SLC19A1: variants seen among roughly 807,000 people sequenced by gnomAD.
The protein encoded by SLC19A1 is solute carrier family 19 member 1.
Under a neutral mutation model 35.3 loss-of-function variants are expected in SLC19A1, and 37 were observed. The observed-to-expected ratio is 1.05, with a 90% CI of 0.81 to 1.38. SLC19A1 has a LOEUF of 1.38. Among genes scored for constraint, SLC19A1 ranks in the 40% most tolerant of loss-of-function variants. SLC19A1 has a pLI of 0.00. For missense variants in SLC19A1, 831 were observed against 826.9 expected (o/e 1.00, Z -0.06); for synonymous variants, 460 against 398.5 (o/e 1.15, Z -1.84).
At chr21:45,512,391 C>T, downstream of SLC19A1, 2 of 1,612,474 alleles carry the variant, frequency 1.2e-6, no homozygotes, top group Non-Finnish European at 8.5e-7. Context: ...ATGACTGCCT[C>T]CAAGTAGCCA....
chr21:45,527,464 G>A (rs370756549), intron 4 of SLC19A1, among the ~76,000 whole-genome samples: 2 of 131,934 alleles, frequency 1.5e-5, no homozygotes, highest in South Asian at 2.6e-4. Flanking sequence ...CAGGCAGGGC[G>A]GGCCCTGGAG....
Position 45,515,462 on chromosome 21 carries a change from G to A in SLC19A1, c.*196C>T. On this transcript the variant is annotated 3_prime_UTR_variant, in exon 6 of 6. Coordinates refer to ENST00000311124, the MANE Select transcript of SLC19A1 (RefSeq NM_194255.4). ...GCGGGGCACAGTGCAGGGACAGCAT[G>A]GCCAGGCAGCTGCCCTGAGTGTCGC... 4 of 1,485,396 alleles carry A rather than the reference G, an allele frequency of 2.7e-6. No individual in the cohort carries two copies. The highest frequency in any genetic ancestry group is 2.5e-5 in the Admixed American group (1 of 40,072). 92.0% of individuals were successfully genotyped at this position (1,485,396 alleles called of 1,614,324 possible). A position where few individuals can be genotyped will look rare whatever the true frequency, so the allele number is the denominator to read the frequency against.
At chr21:45,561,748 G>A (rs998936557) in intron 1 of SLC19A1, among the ~76,000 whole-genome samples, 2 of 150,734 alleles carry the variant, frequency 1.3e-5, no homozygotes, top group South Asian at 4.2e-4. Flanking sequence ...GGGACACAGC[G>A]AGACTCCATC....
intron 3 of SLC19A1, among the ~76,000 whole-genome samples, chr21:45,504,861 T>G (rs1227812202): frequency 6.6e-6 from 1 of 152,068 alleles, no homozygotes. Flanking sequence ...CCATCAGTCC[T>G]GAAAGACTCC....
At position 45,534,850 on chromosome 21, in the gene SLC19A1, C is replaced by T. The variant is rs1011427522; in HGVS notation, c.190-2702G>A. ...GGAGGTGGCATCTGTCAGGCGGCCA[C>T]GACTCTGACACGAGGACAGCCTCCT... On this transcript the variant is annotated intron_variant, in intron 2 of 5. Transcript: ENST00000311124. The surrounding 1 kb of genome is among the most constrained non-coding windows in gnomAD (Gnocchi z 4.2). The T allele has an allele frequency of 8.9e-6, 5 of 561,468 alleles. No individual in the cohort carries two copies. Among genetic ancestry groups the T allele is most frequent in the Non-Finnish European group, 9.6e-6 (3 of 313,524 alleles). The allele number at this position is 561,468 out of a possible 1,614,324, so 34.8% of individuals were successfully genotyped here.
At chr21:45,503,683 G>A (rs2036997174) in intron 3 of SLC19A1, among the ~76,000 whole-genome samples, 1 of 151,160 alleles carries the variant, frequency 6.6e-6, no homozygotes, top group Non-Finnish European at 1.5e-5. Context: ...TATACCTAAT[G>A]CTAGATGACG....
chr21:45,521,901 A>T (rs1166849884), intron 5 of SLC19A1, among the ~76,000 whole-genome samples: 1 of 152,246 alleles, frequency 6.6e-6, no homozygotes, highest in Non-Finnish European at 1.5e-5. Context: ...CGAAACTTTA[A>T]AAAAGAAATT....
downstream of SLC19A1, among the ~76,000 whole-genome samples, chr21:45,511,412 CA>C (rs1285516359): frequency 6.6e-6 from 1 of 152,144 alleles, no homozygotes; most frequent in Admixed American, 6.5e-5. Flanking sequence ...TCATCATTAG[CA>C]ATGCGTTTGA....
At chr21:45,543,110 C>T (rs2078362457), upstream of SLC19A1, among the ~76,000 whole-genome samples, 1 of 152,206 alleles carries the variant, frequency 6.6e-6, no homozygotes, top group Admixed American at 6.5e-5. Context: ...CACCAGTCCC[C>T]ATCCCAGCAG....
intron 5 of SLC19A1, among the ~76,000 whole-genome samples, chr21:45,520,943 C>T (rs1371392015): frequency 6.6e-6 from 1 of 151,848 alleles, no homozygotes. Flanking sequence ...TTGCTTGAAC[C>T]CAGGAGGAGG....
In SLC19A1 at chr21:45,515,841, CG is replaced by C. The variant is rs770432197; in HGVS notation, c.1592del (p.Pro531ArgfsTer7). ...SDPYLAQAPA[P>X]QAAEFLSPVT... ...CTGGGCTCAGGAATTCAGCTGCCTGCGGGGCCGGGGCCTGGGCCAGGTATGG... is the reference window on the plus strand; with the variant it reads ...CTGGGCTCAGGAATTCAGCTGCCTGCGGGCCGGGGCCTGGGCCAGGTATGG... On this transcript the variant is annotated frameshift_variant, in exon 6 of 6. Transcript: ENST00000311124. LOFTEE classifies it low-confidence loss of function (END_TRUNC). 10 of 1,600,532 alleles carry C rather than the reference CG, an allele frequency of 6.2e-6. No individual in the cohort carries two copies. Among genetic ancestry groups the C allele is most frequent in the East Asian group, 2.2e-5 (1 of 44,664 alleles).
rs556346113 is a variant in SLC19A1, at chr21:45,504,460, G to T, written c.498-5848C>A. 4.1e-5 allele frequency: 66 copies of T among 1,610,546 alleles called. No homozygotes were observed. Among genetic ancestry groups the T allele is most frequent in the Middle Eastern group, 1.7e-4 (1 of 5,744 alleles). ...GTGATGCAGGACAGAAAGGCGAAAG[G>T]GGGGAGCCCGGGGGCGGCGGTTTCT... is the stretch of plus-strand genomic sequence containing the variant. On this transcript the variant is annotated intron_variant, in intron 3 of 4. Transcript: ENST00000417954.
rs578244675 is a variant in SLC19A1, at chr21:45,559,513, A to C, written c.-50+3229T>G. 3.3e-5 allele frequency among the ~76,000 whole-genome samples: 5 copies of C among 152,174 alleles called. No homozygotes were observed. The South Asian group carries it at 1.0e-3, about 32-fold the overall frequency. On this transcript the variant is annotated intron_variant, in intron 1 of 5. Coordinates refer to the SLC19A1 transcript ENST00000650808. ...CTTGCAAAGATTTGCTAAGATTTAT[A>C]TTTTTTTCCAGTTGTTTTTCAGTCT...
At chr21:45,507,444 C>G (rs1465448683) in intron 3 of SLC19A1, 5 of 710,474 alleles carry the variant, frequency 7.0e-6, no homozygotes, top group Non-Finnish European at 1.1e-5. Flanking sequence ...GGGAGGGCAC[C>G]CTCCTGTGGG....
Position 45,504,436 on chromosome 21 carries a change from T to C in SLC19A1, c.498-5824A>G, listed in dbSNP as rs778554912. 2 of 1,611,408 alleles carry C rather than the reference T, an allele frequency of 1.2e-6. No homozygotes were observed. Among genetic ancestry groups the C allele is most frequent in the Non-Finnish European group, 1.7e-6 (2 of 1,179,352 alleles). ...CACAGGGGGAGAAGGGAGACCGAGG[T>C]GATGCAGGACAGAAAGGCGAAAGGG... On this transcript the variant is annotated intron_variant, in intron 3 of 4. Transcript: ENST00000417954.
Position 45,531,459 on chromosome 21 carries a change from G to C in SLC19A1, c.879C>G (p.Asn293Lys). 6.2e-7 allele frequency: 1 copy of C among 1,612,438 alleles called. No individual in the cohort carries two copies. Residue 293 changes from asparagine (N) to lysine (K), a missense_variant, in exon 3 of 6, where the codon AAC becomes AAG. Asn to Lys is a moderately conservative substitution (Grantham distance 94). Coordinates refer to ENST00000311124, the MANE Select transcript of SLC19A1 (RefSeq NM_194255.4). The part of the protein sequence containing the change: ...LVVYYVHILW[N>K]EVDPTTNSAR... ...CACTGTTGGTGGTGGGGTCCACCTC[G>C]TTCCACAGGATGTGCACGTAGTAGA...
At chr21:45,555,070 G>A (rs980269898) in intron 1 of SLC19A1, among the ~76,000 whole-genome samples, 1 of 150,160 alleles carries the variant, frequency 6.7e-6, no homozygotes, top group Non-Finnish European at 1.5e-5. Context: ...CGCAACGCGG[G>A]GAGTGGCCAC....
At chr21:45,503,920 C>T (rs1002307482) in intron 3 of SLC19A1, 8 of 1,429,308 alleles carry the variant, frequency 5.6e-6, no homozygotes, top group Non-Finnish European at 7.9e-6. Context: ...AGAAGGGCCT[C>T]AGGCAAACCC....
At chr21:45,537,719 T>TGGGGGGGGGCCCCCC in intron 2 of SLC19A1, 52 bp downstream of exon 2, 2 of 319,776 alleles carry the variant, frequency 6.3e-6, no homozygotes, top group Non-Finnish European at 1.1e-5. Context: ...CAGACGCTGC[T>TGGGGGGGGGCCCCCC]CCCCGCCCAC....
Sources: gnomAD v4.1 joint callset for allele counts (sites outside exome capture counted in the v4.1 genomes callset) on GRCh38, gnomAD v4.1.1 for gene constraint, Gnocchi (gnomAD v3.1) non-coding constraint, MANE v1.5 for transcripts, NCBI Gene and HGNC (gene_info 2026-07-23, HGNC 2026-07-21) for gene names.